The following MCF2L variants were observed in gnomAD, a reference collection of about 807,000 sequenced individuals.
MCF2L encodes guanine nucleotide exchange factor DBS.
In MCF2L, 97 loss-of-function variants were observed where a neutral mutation model predicts 153.4. The observed-to-expected ratio is 0.63, with a 90% confidence interval of 0.54 to 0.75. The LOEUF (loss-of-function observed/expected upper bound fraction) is 0.75, where lower values mean the gene tolerates loss of function less well. Among genes scored for constraint, MCF2L ranks in the 30% least tolerant of loss-of-function variants. MCF2L has a pLI of 0.00. For missense variants in MCF2L, 1,347 were observed against 1,495.2 expected, an observed-to-expected ratio of 0.90 and a Z score of 1.64; for synonymous variants, 659 against 632.2, an observed-to-expected ratio of 1.04 and a Z score of -0.64.
At position 112,979,598 on chromosome 13, in the gene MCF2L, G is replaced by T. The variant is rs754774370; in HGVS notation, c.79+10140G>T. ...GCTGTGGCTCTAGCATCAGGGGGTC[G>T]CCTGTGGTCCCTGCGTGAAGAACCA... On this transcript the variant is annotated intron_variant, in intron 1 of 29. Transcript: ENST00000535094. The T allele has an allele frequency of 8.2e-5, 131 of 1,602,156 alleles. 1 individual carries two copies. Among genetic ancestry groups the T allele is most frequent in the Non-Finnish European group, 1.1e-4 (124 of 1,175,766 alleles).
intron 15 of MCF2L, among the ~76,000 whole-genome samples, 189 bp downstream of exon 15, chr13:113,078,928 C>T (rs1047425474): frequency 6.6e-6 from 1 of 152,264 alleles, no homozygotes; most frequent in African/African-American, 2.4e-5. Flanking sequence ...CTGGTCCCCA[C>T]CGCGTGAAGC....
At chr13:113,051,319 C>G (rs1052096259) in intron 4 of MCF2L, among the ~76,000 whole-genome samples, 2 of 152,340 alleles carry the variant, frequency 1.3e-5, no homozygotes. Context: ...CTCTGAAGCC[C>G]GAGCTCTCTC....
intron 2 of MCF2L, among the ~76,000 whole-genome samples, chr13:112,947,363 C>T (rs2081648443): frequency 6.6e-6 from 1 of 152,180 alleles, no homozygotes; most frequent in Non-Finnish European, 1.5e-5. Flanking sequence ...CTCATTCCAA[C>T]ACCAACTCAA....
chr13:112,930,987 G>A (rs12859123), intron 2 of MCF2L, among the ~76,000 whole-genome samples: 25,825 of 152,106 alleles, frequency 0.17, 2,282 homozygotes, highest in South Asian at 0.21. Context: ...AGGGGTCCCC[G>A]GAAGGAATGC....
chr13:112,927,666 C>T (rs1301476488), intron 2 of MCF2L, among the ~76,000 whole-genome samples: 1 of 152,164 alleles, frequency 6.6e-6, no homozygotes, highest in Admixed American at 6.5e-5. Context: ...GTGAACTGCT[C>T]TTGCCAAAAA....
intron 26 of MCF2L, chr13:113,090,920 A>G (rs478261): frequency 0.56 from 664,021 of 1,187,224 alleles, 188,190 homozygotes; most frequent in Non-Finnish European, 0.58. Context: ...CCCCACTCCC[A>G]TGCCCTCCCG....
intron 2 of MCF2L, among the ~76,000 whole-genome samples, chr13:112,906,120 C>G (rs1227053240): frequency 6.6e-6 from 1 of 152,230 alleles, no homozygotes; most frequent in Non-Finnish European, 1.5e-5. Flanking sequence ...TCGGTGCGGT[C>G]TGAAGCTGCT....
intron 3 of MCF2L, among the ~76,000 whole-genome samples, chr13:113,033,184 AG>A (rs1236704768): frequency 8.1e-5 from 11 of 135,728 alleles, no homozygotes; most frequent in African/African-American, 3.2e-4. Context: ...CCATGACGTG[AG>A]TGGACCCCGT....
At chr13:113,047,132 T>A (rs2086867265) in intron 4 of MCF2L, 1 of 155,008 alleles carries the variant, frequency 6.5e-6, no homozygotes, top group South Asian at 2.0e-4. Context: ...TCCAGTGAAC[T>A]TACTGAGCGA....
Position 112,932,534 on chromosome 13 carries a change from C to T in MCF2L, c.169+30163C>T, listed in dbSNP as rs1263910000. ...ACCAATATTGGCTCATTAATTGCAA[C>T]AAAGGCACCATAAGCTTAAGATATG... On this transcript the variant is annotated intron_variant, in intron 2 of 29. Transcript: ENST00000375608. The surrounding 1 kb of genome is among the most constrained non-coding windows in gnomAD (Gnocchi z 4.6). Among the ~76,000 whole-genome samples, 2 of 152,152 alleles carry T rather than the reference C, an allele frequency of 1.3e-5. No homozygotes were observed. Among genetic ancestry groups the T allele is most frequent in the Admixed American group, 1.3e-4 (2 of 15,282 alleles).
At position 113,045,037 on chromosome 13, in the gene MCF2L, G is replaced by T; in HGVS notation, c.279-234G>T. 4 of 1,169,812 alleles carry T rather than the reference G, an allele frequency of 3.4e-6. No homozygotes were observed. The highest frequency in any genetic ancestry group is 3.6e-6 in the Non-Finnish European group (3 of 823,042). The allele number at this position is 1,169,812 out of a possible 1,614,324, so 72.5% of individuals were successfully genotyped here. ...TGTGACTCGAGGTGGTTGGTGTTAG[G>T]CTGAGAAATAAGAACACACCAAAAG... On this transcript the variant is annotated intron_variant, in intron 3 of 29. Coordinates refer to ENST00000535094, the MANE Select transcript of MCF2L (RefSeq NM_001112732.3). This position sits in a 1 kb window ranked among gnomAD's most constrained non-coding sequence, Gnocchi z 4.2.
intron 2 of MCF2L, among the ~76,000 whole-genome samples, chr13:112,910,889 G>A (rs554030288): frequency 6.6e-6 from 1 of 152,294 alleles, no homozygotes; most frequent in African/African-American, 2.4e-5. Flanking sequence ...AAAATATTTC[G>A]TGGGAGAATT....
chr13:113,029,306 T>A (rs1215283646), intron 3 of MCF2L, among the ~76,000 whole-genome samples: 1 of 152,138 alleles, frequency 6.6e-6, no homozygotes, highest in Non-Finnish European at 1.5e-5. Context: ...GGGGACCCCG[T>A]GCCTCCAGGG....
intron 8 of MCF2L, among the ~76,000 whole-genome samples, chr13:113,066,819 C>T (rs1039456943): frequency 1.3e-4 from 20 of 152,200 alleles, no homozygotes; most frequent in Non-Finnish European, 2.4e-4. Flanking sequence ...GCAGGGCCCG[C>T]ACAGCTGGAC....
At position 113,064,252 on chromosome 13, in the gene MCF2L, T is replaced by G. The variant is rs890267932; in HGVS notation, c.490-52T>G. The G allele has an allele frequency of 3.7e-5, 50 of 1,348,686 alleles. No homozygotes were observed. The highest frequency in any genetic ancestry group is 5.3e-5 in the Non-Finnish European group (50 of 941,306). 83.5% of individuals were successfully genotyped at this position (1,348,686 alleles called of 1,614,324 possible). ...TGTTCTGCTGATGGGGCAGCTCTTT[T>G]GGGAGCCAACAATAATCCCAAACAC... is the stretch of plus-strand genomic sequence containing the variant. On this transcript the variant is annotated intron_variant, in intron 5 of 29. Transcript: ENST00000535094. The surrounding 1 kb of genome is among the most constrained non-coding windows in gnomAD (Gnocchi z 6.0).
chr13:113,034,618 A>C, intron 3 of MCF2L, among the ~76,000 whole-genome samples: 1 of 145,898 alleles, frequency 6.9e-6, no homozygotes, highest in African/African-American at 2.6e-5. Context: ...CCCTGGTCTC[A>C]CCCTCGCCCT....
In MCF2L at chr13:113,094,645, G is replaced by C. The variant is rs1157999289; in HGVS notation, c.3075+10G>C. 6 of 1,605,992 alleles carry C rather than the reference G, an allele frequency of 3.7e-6. No individual in the cohort carries two copies. The highest frequency in any genetic ancestry group is 1.3e-5 in the African/African-American group (1 of 74,784). ...GGGCCCCAAGAAGCTGGTAACCACG[G>C]CTTCCCTGTGGGCACTTGGGGTGGG... On this transcript the variant is annotated intron_variant, in intron 27 of 29. Transcript: ENST00000535094.
intron 1 of MCF2L, among the ~76,000 whole-genome samples, chr13:112,994,289 G>C (rs1470555848): frequency 6.7e-6 from 1 of 149,950 alleles, no homozygotes; most frequent in Non-Finnish European, 1.5e-5. Flanking sequence ...GGCGTGACGG[G>C]GCGCGGCGCG....
chr13:113,050,551 A>G (rs2087173581), intron 4 of MCF2L, among the ~76,000 whole-genome samples: 1 of 149,250 alleles, frequency 6.7e-6, no homozygotes, highest in Non-Finnish European at 1.5e-5. Context: ...CGTCCAGCAA[A>G]TCTTTCACAT....
Sources: allele counts gnomAD v4.1 joint callset (sites outside exome capture counted in the v4.1 genomes callset), GRCh38; gene constraint gnomAD v4.1.1; non-coding constraint Gnocchi (gnomAD v3.1); transcripts MANE v1.5; gene names NCBI Gene and HGNC (gene_info 2026-07-23, HGNC 2026-07-21).